ANK1: variants seen among roughly 807,000 people sequenced by gnomAD.
ANK1 encodes the protein ankyrin-1.
ANK1 carries 51 observed loss-of-function variants against 210.4 expected under a neutral mutation model. The ratio of observed to expected loss-of-function variants is 0.24; its 90% CI spans 0.19 to 0.31. The LOEUF (loss-of-function observed/expected upper bound fraction) is 0.31. Among genes scored for constraint, ANK1 ranks in the 10% least tolerant of loss-of-function variants. The pLI, the probability that ANK1 is intolerant of heterozygous loss-of-function variation, is 1.00. For missense variants in ANK1, 2,051 were observed against 2,504.4 expected, an observed-to-expected ratio of 0.82 and a Z score of 3.86; for synonymous variants, 967 against 1,025.9, an observed-to-expected ratio of 0.94 and a Z score of 1.10.
exon 1 of ANK1, chr8:41,896,442 G>A (rs761203897): frequency 1.2e-6 from 2 of 1,606,312 alleles, no homozygotes; most frequent in Admixed American, 1.7e-5. Flanking sequence ...GCGCCTCGAT[G>A]TCTTTGATTT....
intron 3 of ANK1, 114 bp from the exon 4 acceptor site, chr8:41,728,120 C>A: frequency 1.1e-6 from 1 of 901,078 alleles, no homozygotes; most frequent in Non-Finnish European, 1.8e-6. Context: ...TCTTCATGGC[C>A]AAAAGGGGTA....
chr8:41,669,750 G>A (rs1811684177), intron 38 of ANK1, among the ~76,000 whole-genome samples: 1 of 152,166 alleles, frequency 6.6e-6, no homozygotes, highest in Admixed American at 6.5e-5. Context: ...GGCCACCGCT[G>A]CCGTCCCAGC....
rs192413523 is a variant in ANK1, at chr8:41,672,971, C to T, written c.4538-59G>A. 2,713 of 1,495,618 alleles carry T rather than the reference C, an allele frequency of 1.8e-3. 39 individuals carry two copies. The African/African-American group carries it at 0.032, about 18-fold the overall frequency. The allele number at this position is 1,495,618 out of a possible 1,614,324, so 92.6% of individuals were successfully genotyped here. On this transcript the variant is annotated intron_variant, in intron 37 of 42. Transcript: ENST00000289734. ...CAGTGATTCCTGTCCCACCCATTCA[C>T]GTGCAGGTCCACGCACACGCACGAA...
Position 41,725,839 on chromosome 8 carries a change from G to A in ANK1, c.534C>T (p.His178=). 1 of 1,612,028 alleles carries A rather than the reference G, an allele frequency of 6.2e-7. No individual in the cohort carries two copies. Among genetic ancestry groups the A allele is most frequent in the Middle Eastern group, 1.9e-4 (1 of 5,306 alleles). Residue 178 remains histidine, a synonymous_variant, in exon 6 of 43, where the codon CAC becomes CAT. Coordinates refer to ENST00000289734, the MANE Select transcript of ANK1 (RefSeq NM_000037.4). ...TKGKVRLPAL[H]IAARNDDTRT... ...GCGTGTCGTCGTTGCGGGCCGCGAT[G>A]TGCAGGGCCGGGAGGCGCACCTTCC...
At chr8:41,853,365 C>CGCAAAGGCAAAAGAAGGA (rs1364732507) in intron 1 of ANK1, among the ~76,000 whole-genome samples, 1 of 152,100 alleles carries the variant, frequency 6.6e-6, no homozygotes, top group Non-Finnish European at 1.5e-5. Flanking sequence ...ATTTCTGCAT[C>CGCAAAGGCAAAAGAAGGA]GCAAAGGCAA....
intron 1 of ANK1, among the ~76,000 whole-genome samples, chr8:41,775,984 T>G (rs1309004074): frequency 1.3e-5 from 2 of 152,108 alleles, no homozygotes; most frequent in Non-Finnish European, 2.9e-5. Flanking sequence ...ACCCTACGAG[T>G]TAACAGCTAT....
chr8:41,848,762 C>A (rs1810589343), intron 1 of ANK1, among the ~76,000 whole-genome samples: 1 of 152,188 alleles, frequency 6.6e-6, no homozygotes, highest in Admixed American at 6.5e-5. Context: ...CTCATGCAAT[C>A]CTTATATAAC....
chr8:41,727,124 C>G (rs566032473), intron 5 of ANK1, 126 bp downstream of exon 5: 2 of 758,274 alleles, frequency 2.6e-6, no homozygotes, highest in African/African-American at 1.7e-5. Flanking sequence ...ATTAGTGCAG[C>G]GACCTGAAGG....
At chr8:41,895,057 T>A (rs1820214059) in intron 1 of ANK1, among the ~76,000 whole-genome samples, 2 of 152,010 alleles carry the variant, frequency 1.3e-5, no homozygotes, top group African/African-American at 4.8e-5. Context: ...TCAGAGAGCA[T>A]CTCTAGGAAG....
At chr8:41,796,022 T>G (rs12550646) in intron 1 of ANK1, among the ~76,000 whole-genome samples, 33,984 of 152,116 alleles carry the variant, frequency 0.22, 4,786 homozygotes, top group Admixed American at 0.38. Flanking sequence ...TCACATGTAT[T>G]CCACAAATAT....
intron 1 of ANK1, among the ~76,000 whole-genome samples, chr8:41,889,452 T>C (rs1199376730): frequency 2.0e-5 from 3 of 152,236 alleles, no homozygotes; most frequent in Admixed American, 2.0e-4. Context: ...GCAAAAGCAA[T>C]TGGACATGTA....
At chr8:41,701,744 A>C (rs1349634948) in intron 21 of ANK1, 122 bp from the exon 22 acceptor site, 2 of 1,059,942 alleles carry the variant, frequency 1.9e-6, no homozygotes, top group African/African-American at 1.6e-5. Context: ...CAGACGGAGG[A>C]GGCGCTCAGC....
At position 41,686,130 on chromosome 8, in the gene ANK1, T is replaced by C. The variant is rs1166998517; in HGVS notation, c.4390+22A>G. The C allele has an allele frequency of 2.5e-6, 4 of 1,614,206 alleles. No homozygotes were observed. In the South Asian group the frequency reaches 4.4e-5, roughly 18 times the overall value. Reference sequence around the variant, plus strand: ...TGGGGAGGAGGTCCTAGGACAGGCTTCCTCAGTGGGACGGTACTGACTGTT... The same window carrying C: ...TGGGGAGGAGGTCCTAGGACAGGCTCCCTCAGTGGGACGGTACTGACTGTT... On this transcript the variant is annotated intron_variant, in intron 36 of 42. Coordinates refer to ENST00000289734, the MANE Select transcript of ANK1 (RefSeq NM_000037.4).
chr8:41,868,225 A>G (rs1814842449), intron 1 of ANK1, among the ~76,000 whole-genome samples: 1 of 152,252 alleles, frequency 6.6e-6, no homozygotes, highest in African/African-American at 2.4e-5. Flanking sequence ...CCTCAGCACT[A>G]TTGGGGCCAT....
At chr8:41,719,540 C>T (rs1828693370) in intron 10 of ANK1, 121 bp downstream of exon 10, 1 of 1,314,158 alleles carries the variant, frequency 7.6e-7, no homozygotes, top group Non-Finnish European at 1.1e-6. Context: ...ACTGCTCAGG[C>T]CTCGAATCTG....
At chr8:41,670,240 G>A (rs2150559277) in intron 38 of ANK1, among the ~76,000 whole-genome samples, 1 of 151,952 alleles carries the variant, frequency 6.6e-6, no homozygotes, top group East Asian at 1.9e-4. Context: ...TTCAATGCTG[G>A]CACCCAGGCA....
rs76462813 is a variant in ANK1, at chr8:41,673,316, G to A, written c.4538-404C>T. 7.4e-3 allele frequency among the ~76,000 whole-genome samples: 1,125 copies of A among 152,316 alleles called. 6 individuals carry two copies. The highest frequency in any genetic ancestry group is 0.013 in the Non-Finnish European group (852 of 68,022). ...ACTTCTCCATGGCTGGGCAGAAGTA[G>A]ACGTTGCTCCTCTACTCAAAACTTC... On this transcript the variant is annotated intron_variant, in intron 37 of 42. Coordinates refer to ENST00000289734, the MANE Select transcript of ANK1 (RefSeq NM_000037.4).
At chr8:41,822,050 AAAAG>A (rs1337297869) in intron 1 of ANK1, among the ~76,000 whole-genome samples, 10 of 145,812 alleles carry the variant, frequency 6.9e-5, no homozygotes, top group South Asian at 4.6e-4. Flanking sequence ...ACTCCATCTC[AAAAG>A]AAAGAAAGAA....
rs779070633 is a variant in ANK1, at chr8:41,709,009, C to T, written c.1801-34G>A. The T allele has an allele frequency of 5.0e-6, 8 of 1,612,194 alleles. No individual in the cohort carries two copies. The Admixed American group carries it at 1.3e-4, about 27-fold the overall frequency. On this transcript the variant is annotated intron_variant, in intron 16 of 42. Transcript: ENST00000289734. ...GAAGAAGCCGCCCAGAGCCTGGTTA[C>T]AGGAATGCTGAGCTGACAATATCAA...
Sources: allele counts gnomAD v4.1 joint callset (sites outside exome capture counted in the v4.1 genomes callset), GRCh38; gene constraint gnomAD v4.1.1; transcripts MANE v1.5; gene names NCBI Gene and HGNC (gene_info 2026-07-23, HGNC 2026-07-21).